Variants in TENM4 observed in about 807,000 individuals in gnomAD.
The protein encoded by TENM4 is teneurin transmembrane protein 4, also known as teneurin-4.
Under a neutral mutation model 243.3 loss-of-function variants are expected in TENM4, and 82 were observed. That is an observed-to-expected ratio of 0.34 (90% CI 0.28 to 0.40). TENM4 has a LOEUF of 0.40. Ranked by LOEUF, TENM4 falls within the 10% of genes least tolerant of loss-of-function variation. The pLI, the probability that TENM4 is intolerant of heterozygous loss-of-function variation, is 1.00. For missense variants in TENM4, 3,138 were observed against 3,673.3 expected, an observed-to-expected ratio of 0.85 and a Z score of 3.77; for synonymous variants, 1,412 against 1,456.3, an observed-to-expected ratio of 0.97 and a Z score of 0.69.
At chr11:79,299,200 G>A (rs980448465) in intron 1 of TENM4, among the ~76,000 whole-genome samples, 3 of 152,146 alleles carry the variant, frequency 2.0e-5, no homozygotes, top group African/African-American at 7.2e-5. Flanking sequence ...CTACACTTTG[G>A]GGAGCTGGTC....
chr11:79,121,433 C>T (rs1029681990), intron 4 of TENM4, among the ~76,000 whole-genome samples: 2 of 152,138 alleles, frequency 1.3e-5, no homozygotes, highest in African/African-American at 4.8e-5. Flanking sequence ...GGGAGAAACC[C>T]CTGACACATG....
At chr11:78,989,807 A>T (rs1283673839) in intron 6 of TENM4, among the ~76,000 whole-genome samples, 1 of 152,122 alleles carries the variant, frequency 6.6e-6, no homozygotes, top group Non-Finnish European at 1.5e-5. Flanking sequence ...TAATCCTAGC[A>T]CTTTGGGAGG....
At chr11:78,959,544 C>T (rs1363924593) in intron 6 of TENM4, among the ~76,000 whole-genome samples, 1 of 152,090 alleles carries the variant, frequency 6.6e-6, no homozygotes, top group Admixed American at 6.6e-5. Context: ...ATGGCAGAGA[C>T]TCATTGAGCT....
intron 6 of TENM4, among the ~76,000 whole-genome samples, chr11:78,957,263 C>A (rs1394778318): frequency 6.6e-6 from 1 of 152,106 alleles, no homozygotes; most frequent in Non-Finnish European, 1.5e-5. Context: ...ACCCTCAGAA[C>A]TAGGTAAAGA....
At position 79,337,218 on chromosome 11, in the gene TENM4, C is replaced by T. The variant is rs560814692; in HGVS notation, c.-320-39675G>A. On this transcript the variant is annotated intron_variant, in intron 1 of 33. Coordinates refer to ENST00000278550, the MANE Select transcript of TENM4 (RefSeq NM_001098816.3). ...TCCTTTCAATATACAAGGAATCGGC[C>T]TGCCAGAGGCTTTTTAGAAAACCCC... Among the ~76,000 whole-genome samples the T allele has an allele frequency of 6.6e-5, 10 of 152,346 alleles. No homozygotes were observed. The East Asian group carries it at 1.5e-3, about 23-fold the overall frequency.
intron 6 of TENM4, among the ~76,000 whole-genome samples, chr11:78,955,273 GA>G (rs1235192304): frequency 6.6e-6 from 1 of 152,364 alleles, no homozygotes; most frequent in African/African-American, 2.4e-5. Context: ...CCAGTGAGAT[GA>G]CAGAGGAGAA....
At chr11:79,317,614 A>G (rs1856823968) in intron 1 of TENM4, among the ~76,000 whole-genome samples, 1 of 152,200 alleles carries the variant, frequency 6.6e-6, no homozygotes, top group South Asian at 2.1e-4. Flanking sequence ...ATGAAAGGTC[A>G]GAGAGGTTTT....
intron 4 of TENM4, among the ~76,000 whole-genome samples, chr11:79,094,747 A>G (rs956739056): frequency 6.6e-6 from 1 of 152,138 alleles, no homozygotes; most frequent in Non-Finnish European, 1.5e-5. Flanking sequence ...ATCAGGCCCC[A>G]GTCACCCCTG....
At chr11:78,976,107 G>C (rs1857648590) in intron 6 of TENM4, among the ~76,000 whole-genome samples, 2 of 152,186 alleles carry the variant, frequency 1.3e-5, no homozygotes, top group Admixed American at 1.3e-4. Context: ...GTAAATTTAT[G>C]AGTTTACTTC....
intron 4 of TENM4, among the ~76,000 whole-genome samples, chr11:79,101,623 G>T (rs763199135): frequency 1.3e-5 from 2 of 152,212 alleles, no homozygotes; most frequent in Non-Finnish European, 2.9e-5. Flanking sequence ...GGTAAATGAT[G>T]CTCTGCGCCT....
intron 3 of TENM4, among the ~76,000 whole-genome samples, chr11:79,186,905 C>T (rs1863390900): frequency 6.6e-6 from 1 of 152,178 alleles, no homozygotes; most frequent in African/African-American, 2.4e-5. Flanking sequence ...GCCCGATTCT[C>T]TGGCTATTGG....
chr11:79,373,902 C>G (rs1386018591), intron 1 of TENM4, among the ~76,000 whole-genome samples: 1 of 152,094 alleles, frequency 6.6e-6, no homozygotes, highest in African/African-American at 2.4e-5. Flanking sequence ...CTAGAGATTA[C>G]TTTCATTTTC....
chr11:79,320,396 A>T (rs906112848), intron 1 of TENM4, among the ~76,000 whole-genome samples: 1 of 152,216 alleles, frequency 6.6e-6, no homozygotes, highest in Non-Finnish European at 1.5e-5. Context: ...GAGGAATCTT[A>T]CTTTAAAATC....
intron 16 of TENM4, among the ~76,000 whole-genome samples, chr11:78,783,994 C>T (rs969770246): frequency 2.0e-5 from 3 of 152,128 alleles, no homozygotes; most frequent in African/African-American, 4.8e-5. Flanking sequence ...TTACGCAGGT[C>T]GGCAGTATGT....
At chr11:79,210,853 T>C (rs918631093) in intron 3 of TENM4, among the ~76,000 whole-genome samples, 2 of 152,230 alleles carry the variant, frequency 1.3e-5, no homozygotes, top group Admixed American at 1.3e-4. Context: ...GGATGACTTT[T>C]ATCTGCCTAT....
chr11:79,065,908 T>G (rs1200661204), intron 5 of TENM4, among the ~76,000 whole-genome samples: 1 of 152,180 alleles, frequency 6.6e-6, no homozygotes, highest in Non-Finnish European at 1.5e-5. Context: ...AGGGACAGCT[T>G]CTCCTGTACT....
At chr11:79,272,016 G>A (rs1855977622) in intron 2 of TENM4, among the ~76,000 whole-genome samples, 1 of 152,168 alleles carries the variant, frequency 6.6e-6, no homozygotes, top group Non-Finnish European at 1.5e-5. Flanking sequence ...AGGTAGTGAT[G>A]TCTGCTTCCA....
intron 27 of TENM4, among the ~76,000 whole-genome samples, chr11:78,704,005 CCACACA>C (rs146417954): frequency 7.5e-6 from 1 of 132,954 alleles, no homozygotes; most frequent in Non-Finnish European, 1.6e-5. Flanking sequence ...GCATGTGCCA[CCACACA>C]CACACACACA....
At chr11:79,364,458 G>A (rs952956073) in intron 1 of TENM4, among the ~76,000 whole-genome samples, 1 of 152,136 alleles carries the variant, frequency 6.6e-6, no homozygotes, top group Non-Finnish European at 1.5e-5. Context: ...TCCATCAGAA[G>A]GTGGCTCCAA....
Sources: gnomAD v4.1 joint callset for allele counts (sites outside exome capture counted in the v4.1 genomes callset) on GRCh38, gnomAD v4.1.1 for gene constraint, MANE v1.5 for transcripts, NCBI Gene and HGNC (gene_info 2026-07-23, HGNC 2026-07-21) for gene names.